The following ZNF569 variants were observed in gnomAD, a reference collection of about 807,000 sequenced individuals.
ZNF569 encodes DNA-binding protein.
ZNF569 carries 38 observed loss-of-function variants against 56.3 expected under a neutral mutation model. The ratio of observed to expected loss-of-function variants is 0.68; its 90% CI spans 0.52 to 0.88. The LOEUF (loss-of-function observed/expected upper bound fraction) is 0.88. Ranked by LOEUF, ZNF569 falls within the 40% of genes least tolerant of loss-of-function variation. The pLI is 0.00. For synonymous variants in ZNF569, 241 were observed against 262.9 expected (o/e 0.92, Z 0.81); for missense variants, 666 against 809.2 (o/e 0.82, Z 2.15).
chr19:37,459,071 T>A (rs62110432), intron 2 of ZNF569, among the ~76,000 whole-genome samples: 4,622 of 152,068 alleles, frequency 0.03, 114 homozygotes, highest in Non-Finnish European at 0.05. Flanking sequence ...AAAACATGTA[T>A]CTATTAAACA....
chr19:37,441,447 C>T (rs1043804594), intron 3 of ZNF569, among the ~76,000 whole-genome samples: 1 of 152,044 alleles, frequency 6.6e-6, no homozygotes, highest in African/African-American at 2.4e-5. Context: ...TGCCTGAGCC[C>T]AGGAGTTCGA....
chr19:37,435,428 AACAAC>A (rs1330128694), intron 3 of ZNF569, among the ~76,000 whole-genome samples: 1 of 152,228 alleles, frequency 6.6e-6, no homozygotes, highest in African/African-American at 2.4e-5. Context: ...AAGACCACAA[AACAAC>A]CTGGAAATAA....
chr19:37,453,780 CT>C (rs2041631049), intron 2 of ZNF569, among the ~76,000 whole-genome samples: 1 of 152,158 alleles, frequency 6.6e-6, no homozygotes, highest in South Asian at 2.1e-4. Context: ...AAATACTTTT[CT>C]TCCATCTCTG....
intron 3 of ZNF569, among the ~76,000 whole-genome samples, chr19:37,439,357 C>T (rs1192406936): frequency 6.6e-6 from 1 of 152,182 alleles, no homozygotes; most frequent in Non-Finnish European, 1.5e-5. Flanking sequence ...AGGCATGAGT[C>T]ACCATGCCCG....
Position 37,449,646 on chromosome 19 carries a change from T to C in ZNF569, c.-43-4682A>G, listed in dbSNP as rs73930992. ...TTTGTCTAATATTAAAGTTGCTTCC[T>C]CTTTTTTTTTTTTGGTTAGTATTTT... is the stretch of plus-strand genomic sequence containing the variant. On this transcript the variant is annotated intron_variant, in intron 2 of 5. Coordinates refer to ENST00000316950, the MANE Select transcript of ZNF569 (RefSeq NM_152484.3). Among the ~76,000 whole-genome samples the C allele has an allele frequency of 2.3e-3, 352 of 150,662 alleles. 1 individual carries two copies. The highest frequency in any genetic ancestry group is 8.4e-3 in the African/African-American group (340 of 40,414).
At chr19:37,425,428 T>A (rs2041113588) in intron 5 of ZNF569, among the ~76,000 whole-genome samples, 1 of 151,060 alleles carries the variant, frequency 6.6e-6, no homozygotes, top group Non-Finnish European at 1.5e-5. Flanking sequence ...TTCAAGCGAT[T>A]CTCCTGCCTC....
chr19:37,414,568 T>G, intron 5 of ZNF569, 149 bp from the exon 6 acceptor site: 1 of 1,272,836 alleles, frequency 7.9e-7, no homozygotes, highest in Non-Finnish European at 1.0e-6. Flanking sequence ...TGCATATATC[T>G]CTTATCTCTG....
chr19:37,429,857 A>G (rs1397018143), intron 3 of ZNF569, among the ~76,000 whole-genome samples: 1 of 152,220 alleles, frequency 6.6e-6, no homozygotes, highest in Admixed American at 6.5e-5. Context: ...AGATCACTAA[A>G]AATGATGCAA....
intron 2 of ZNF569, among the ~76,000 whole-genome samples, chr19:37,455,349 TAAATGTTATATTCATAAC>T (rs919345059): frequency 2.0e-5 from 3 of 152,156 alleles, no homozygotes; most frequent in African/African-American, 7.2e-5. Flanking sequence ...ATTCACAAAC[TAAATGTTATATTCATAAC>T]AAATGTTATT....
intron 5 of ZNF569, among the ~76,000 whole-genome samples, chr19:37,422,029 C>T (rs536505832): frequency 2.0e-5 from 3 of 152,212 alleles, no homozygotes; most frequent in Admixed American, 6.5e-5. Context: ...GGATTACAGG[C>T]GTGAGCCACC....
At chr19:37,435,266 A>G (rs1187321178) in intron 3 of ZNF569, among the ~76,000 whole-genome samples, 1 of 152,220 alleles carries the variant, frequency 6.6e-6, no homozygotes, top group East Asian at 1.9e-4. Flanking sequence ...GCTTAAAGTA[A>G]TATGTTATAT....
chr19:37,435,433 C>G (rs2041294033), intron 3 of ZNF569, among the ~76,000 whole-genome samples: 1 of 152,054 alleles, frequency 6.6e-6, no homozygotes, highest in Non-Finnish European at 1.5e-5. Context: ...CACAAAACAA[C>G]CTGGAAATAA....
Position 37,465,156 on chromosome 19 carries a change from C to T in ZNF569, c.-44+157G>A, listed in dbSNP as rs556843183. On this transcript the variant is annotated intron_variant, in intron 2 of 5. Transcript: ENST00000316950. ...CACTCACGCATAAATAGCTCCTTTA[C>T]TTCCTTCATATCTTTATTACTACCT... 2.6e-5 allele frequency among the ~76,000 whole-genome samples: 4 copies of T among 152,344 alleles called. No homozygotes were observed. In the South Asian group the frequency reaches 8.3e-4, roughly 32 times the overall value.
upstream of ZNF569, among the ~76,000 whole-genome samples, chr19:37,468,197 T>G (rs1299132757): frequency 4.0e-5 from 6 of 151,650 alleles, no homozygotes; most frequent in Non-Finnish European, 8.8e-5. Context: ...AGCGATTCTC[T>G]GCCTCGGCCT....
chr19:37,428,714 C>A (rs964613638), intron 3 of ZNF569, among the ~76,000 whole-genome samples: 7 of 150,392 alleles, frequency 4.7e-5, no homozygotes, highest in Admixed American at 4.6e-4. Flanking sequence ...GCCCTGTTGC[C>A]CAGGCTGGAG....
At chr19:37,446,877 T>G (rs945862463) in intron 2 of ZNF569, among the ~76,000 whole-genome samples, 6 of 151,788 alleles carry the variant, frequency 4.0e-5, no homozygotes, top group African/African-American at 1.2e-4. Context: ...GGACTAATAC[T>G]CAGAATCTAC....
chr19:37,427,176 G>A lies in ZNF569; in HGVS notation c.16-798C>T, dbSNP rs143106531. On this transcript the variant is annotated intron_variant, in intron 3 of 5. Coordinates refer to ENST00000316950, the MANE Select transcript of ZNF569 (RefSeq NM_152484.3). Reference sequence around the variant, plus strand: ...TACAAAAAATACAAAAATTAGCCAGGTGTGGTGGTGTGCATCTGTAGTCCC... The same window carrying A: ...TACAAAAAATACAAAAATTAGCCAGATGTGGTGGTGTGCATCTGTAGTCCC... Among the ~76,000 whole-genome samples, 956 of 152,152 alleles carry A rather than the reference G, an allele frequency of 6.3e-3. 25 individuals are homozygous for A. The highest frequency in any genetic ancestry group is 0.052 in the East Asian group (271 of 5,172).
At chr19:37,457,654 A>G (rs988546640) in intron 2 of ZNF569, among the ~76,000 whole-genome samples, 1 of 125,528 alleles carries the variant, frequency 8.0e-6, no homozygotes, top group Non-Finnish European at 1.6e-5. Context: ...ACTTGGACAC[A>G]GGATGGGGAA....
chr19:37,418,415 G>T (rs919581180), intron 5 of ZNF569, among the ~76,000 whole-genome samples: 6 of 151,900 alleles, frequency 3.9e-5, no homozygotes, highest in Admixed American at 3.9e-4. Flanking sequence ...CACAAATATG[G>T]TATCATTTAA....
Sources: gnomAD v4.1 joint callset for allele counts (sites outside exome capture counted in the v4.1 genomes callset) on GRCh38, gnomAD v4.1.1 for gene constraint, MANE v1.5 for transcripts, NCBI Gene and HGNC (gene_info 2026-07-23, HGNC 2026-07-21) for gene names.